The following BMI1 variants were observed in gnomAD, a reference collection of about 807,000 sequenced individuals.
The protein encoded by BMI1 is BMI1 proto-oncogene, polycomb ring finger, also known as polycomb complex protein BMI-1.
Under a neutral mutation model 39.1 loss-of-function variants are expected in BMI1, and 9 were observed. That is an observed-to-expected ratio of 0.23 (90% confidence interval 0.14 to 0.40). The LOEUF (loss-of-function observed/expected upper bound fraction) is 0.40, where lower values mean the gene tolerates loss of function less well. BMI1 is among the 10% of genes least tolerant of loss of function. BMI1 has a pLI of 1.00. For missense variants in BMI1, 252 were observed against 390.8 expected (o/e 0.64, Z 2.99); for synonymous variants, 131 against 127.9 (o/e 1.02, Z -0.16).
intron 1 of BMI1, among the ~76,000 whole-genome samples, chr10:22,322,833 T>A (rs1836042345): frequency 6.6e-6 from 1 of 152,222 alleles, no homozygotes; most frequent in Non-Finnish European, 1.5e-5. Flanking sequence ...CGCAGTCACT[T>A]GGGCTTGACA....
chr10:22,323,763 A>G (rs1421846081), intron 1 of BMI1, among the ~76,000 whole-genome samples: 1 of 152,198 alleles, frequency 6.6e-6, no homozygotes, highest in East Asian at 1.9e-4. Context: ...TTACCATGAT[A>G]TGTTTGGTGC....
chr10:22,327,125 C>T lies in BMI1; in HGVS notation c.209+139C>T, dbSNP rs1197563279. 4 of 961,412 alleles carry T rather than the reference C, an allele frequency of 4.2e-6. No homozygotes were observed. In the East Asian group the frequency reaches 1.0e-4, roughly 24 times the overall value. The allele number at this position is 961,412 out of a possible 1,614,324, so 59.6% of individuals were successfully genotyped here. The stretch of plus-strand genomic sequence containing the variant: ...ATGTGTGTGCTTTGTGGAGGGTAGC[C>T]GTTTAATTTCTTGCCATATTAATGG... On this transcript the variant is annotated intron_variant, in intron 3 of 9. Coordinates refer to ENST00000376663, the MANE Select transcript of BMI1 (RefSeq NM_005180.9).
In BMI1 at chr10:22,328,528, A is replaced by T. The variant is rs954492394; in HGVS notation, c.472-72A>T. 2.7e-6 allele frequency: 4 copies of T among 1,486,800 alleles called. No homozygotes were observed. The African/African-American group carries it at 5.7e-5, about 21-fold the overall frequency. The allele number at this position is 1,486,800 out of a possible 1,614,324, so 92.1% of individuals were successfully genotyped here. A position where few individuals can be genotyped will look rare whatever the true frequency, so the allele number is the denominator to read the frequency against. ...TTTGATACTAGTATCTTTTATATTC[A>T]AGCAATCAAATTGAAACTTTCTTCA... On this transcript the variant is annotated intron_variant, in intron 7 of 9. Transcript: ENST00000376663.
chr10:22,325,777 G>T (rs1044864004), intron 1 of BMI1: 1 of 152,046 alleles, frequency 6.6e-6, no homozygotes, highest in Admixed American at 6.5e-5. Context: ...AATCCGGAGC[G>T]AGACGGAGCC....
intron 1 of BMI1, 59 bp from the exon 2 acceptor site, chr10:22,326,372 T>C: frequency 1.3e-6 from 2 of 1,597,466 alleles, no homozygotes; most frequent in Non-Finnish European, 1.7e-6. Flanking sequence ...GGTTTGTGAT[T>C]ACTAGATGAT....
intron 4 of BMI1, 39 bp from the exon 5 acceptor site, chr10:22,327,703 G>A (rs748499058): frequency 6.2e-7 from 1 of 1,612,974 alleles, no homozygotes; most frequent in Admixed American, 1.7e-5. Flanking sequence ...TTAGTTCTTT[G>A]TGTTATGCCA....
chr10:22,326,423 T>C lies in BMI1; in HGVS notation c.-19-8T>C. On this transcript the variant is annotated splice_polypyrimidine_tract_variant and splice_region_variant and intron_variant, in intron 1 of 9. Coordinates refer to ENST00000376663, the MANE Select transcript of BMI1 (RefSeq NM_005180.9). ...GTGAATTATGGCCATTATTTCTGTG[T>C]CTTGCAGGATTTTTTATCAAGCAGA... 1 of 1,610,962 alleles carries C rather than the reference T, an allele frequency of 6.2e-7. No homozygotes were observed. Among genetic ancestry groups the C allele is most frequent in the African/African-American group, 1.3e-5 (1 of 75,036 alleles).
Position 22,329,487 on chromosome 10 carries a change from C to T in BMI1, c.926C>T (p.Ala309Val). 2 of 1,614,136 alleles carry T rather than the reference C, an allele frequency of 1.2e-6. No individual in the cohort carries two copies. The highest frequency in any genetic ancestry group is 2.2e-5 in the South Asian group (2 of 91,084). The change falls in exon 10 of 10, where the codon GCC (alanine) becomes GTC (valine). Residue 309 changes from alanine to valine, a missense_variant. This residue lies in a region of BMI1 where 96 missense variants were observed against 120.2 expected (regional missense o/e 0.80). Coordinates refer to ENST00000376663, the MANE Select transcript of BMI1 (RefSeq NM_005180.9). ...AGCGGTAACCACCAATCTTCTTTTG[C>T]CAATAGACCTCGAAAATCATCAGTA... The part of the protein sequence containing the change: ...SPSGNHQSSF[A>V]NRPRKSSVNG...
rs745823038 is a variant in BMI1 at position 22,327,717 on chromosome 10, G to A, written c.266-25G>A. Reference sequence around the variant, plus strand: ...ATTAGTTCTTTGTGTTATGCCAAATGTTTACATCTTTTTTCCCCATTCAGA... The same window carrying A: ...ATTAGTTCTTTGTGTTATGCCAAATATTTACATCTTTTTTCCCCATTCAGA... On this transcript the variant is annotated intron_variant, in intron 4 of 9. Coordinates refer to ENST00000376663, the MANE Select transcript of BMI1 (RefSeq NM_005180.9). 1.1e-5 allele frequency: 18 copies of A among 1,613,058 alleles called. No individual in the cohort carries two copies. In the Admixed American group the frequency reaches 2.8e-4, roughly 25 times the overall value.
chr10:22,327,471 ATAGT>A, intron 3 of BMI1, 120 bp from the exon 4 acceptor site: 1 of 960,466 alleles, frequency 1.0e-6, no homozygotes, highest in Non-Finnish European at 1.5e-6. Flanking sequence ...CTTATCAATA[ATAGT>A]TATAGACAGC....
chr10:22,322,265 G>C (rs545284603), intron 1 of BMI1: 1 of 152,246 alleles, frequency 6.6e-6, no homozygotes, highest in Non-Finnish European at 1.5e-5. Context: ...CTCTGGAGGG[G>C]CTCCAGCAGC....
At position 22,329,455 on chromosome 10, in the gene BMI1, C is replaced by T. The variant is rs1564351365; in HGVS notation, c.894C>T (p.Asn298=). ...CCAGTACTATGAATGGAACCAGCAA[C>T]AGCCCCAGCGGTAACCACCAATCTT... ...HISSTMNGTS[N]SPSGNHQSSF... Residue 298 remains asparagine (N), a synonymous_variant, in exon 10 of 10, where the codon AAC becomes AAT. Transcript: ENST00000376663. The T allele has an allele frequency of 1.9e-6, 3 of 1,614,188 alleles. No homozygotes were observed. Among genetic ancestry groups the T allele is most frequent in the Middle Eastern group, 1.6e-4 (1 of 6,062 alleles).
rs1442376868 is a variant in BMI1 at position 22,326,811 on chromosome 10, A to T, written c.113-79A>T. Reference sequence around the variant, plus strand: ...AATGCCTTTCACCATCTTGTTTTCTACTAGTTCTGGGTTTCTAACACCAAT... The same window carrying T: ...AATGCCTTTCACCATCTTGTTTTCTTCTAGTTCTGGGTTTCTAACACCAAT... On this transcript the variant is annotated intron_variant, in intron 2 of 9. Transcript: ENST00000376663. 4 of 1,533,066 alleles carry T rather than the reference A, an allele frequency of 2.6e-6. No homozygotes were observed. In the African/African-American group the frequency reaches 5.5e-5, roughly 21 times the overall value. 95.0% of individuals were successfully genotyped at this position (1,533,066 alleles called of 1,614,324 possible). A position where few individuals can be genotyped will look rare whatever the true frequency, so the allele number is the denominator to read the frequency against.
At chr10:22,322,009 C>T (rs1360497372) in intron 1 of BMI1, 2 of 147,214 alleles carry the variant, frequency 1.4e-5, no homozygotes, top group African/African-American at 2.5e-5. Flanking sequence ...CTCCAGCCGC[C>T]GCCGCCCGCT....
rs540245615 is a variant in BMI1 at position 22,324,527 on chromosome 10, G to A, written c.-19-1904G>A. On this transcript the variant is annotated intron_variant, in intron 1 of 9. Transcript: ENST00000376663. ...TCACACAAGAAGTTTTCTGGTAGAG[G>A]TCGCCAGTTGCCACTGTGGTCACTT... Among the ~76,000 whole-genome samples, 99 of 152,324 alleles carry A rather than the reference G, an allele frequency of 6.5e-4. No homozygotes were observed. In the South Asian group the frequency reaches 0.011, roughly 17 times the overall value.
chr10:22,326,194 C>T (rs1836146482), intron 1 of BMI1: 2 of 429,408 alleles, frequency 4.7e-6, no homozygotes, highest in South Asian at 2.7e-5. Flanking sequence ...CCCAGACTTT[C>T]TTCTACCTAC....
In BMI1 at chr10:22,327,606, C is replaced by G. The variant is rs1389866664; in HGVS notation, c.221C>G (p.Thr74Ser). 6.2e-7 allele frequency: 1 copy of G among 1,606,430 alleles called. No individual in the cohort carries two copies. Residue 74 changes from threonine to serine, a missense_variant, in exon 4 of 10, where the codon ACT (threonine) becomes AGT (serine). This residue lies in a region of BMI1 where 62 missense variants were observed against 123.3 expected (regional missense o/e 0.50). Transcript: ENST00000376663. ...RPLLNIRSDK[T>S]LQDIVYKLVP... ...TAATTATTTTTCAGGTCAGATAAAA[C>G]TCTCCAAGATATTGTATACAAATTA...
rs752305518 is a variant in BMI1, at chr10:22,326,995, C to T, written c.209+9C>T. On this transcript the variant is annotated intron_variant, in intron 3 of 9. Transcript: ENST00000376663. ...CCACTACTGAATATAAGGTAGGAAA[C>T]TGTTGAAATTCCTTGTTTGTAATTA... The T allele has an allele frequency of 2.5e-6, 4 of 1,611,072 alleles. No individual in the cohort carries two copies. In the South Asian group the frequency reaches 4.4e-5, roughly 18 times the overall value.
chr10:22,326,968 G>T lies in BMI1; in HGVS notation c.191G>T (p.Arg64Ile). 6.2e-7 allele frequency: 1 copy of T among 1,613,962 alleles called. No homozygotes were observed. Among genetic ancestry groups the T allele is most frequent in the South Asian group, 1.1e-5 (1 of 91,064 alleles). Residue 64 changes from arginine to isoleucine, a missense_variant, in exon 3 of 10, where the codon AGA becomes ATA. Transcript: ENST00000376663. ...TGTGATGTCCAAGTTCACAAGACCA[G>T]ACCACTACTGAATATAAGGTAGGAA... ...PICDVQVHKT[R>I]PLLNIRSDKT...
Sources: allele counts gnomAD v4.1 joint callset (sites outside exome capture counted in the v4.1 genomes callset), GRCh38; gene constraint gnomAD v4.1.1; regional missense constraint gnomAD v4.1.1; transcripts MANE v1.5; gene names NCBI Gene and HGNC (gene_info 2026-07-23, HGNC 2026-07-21).